Variants in PCSK2 observed in about 807,000 individuals in gnomAD.
PCSK2 encodes the protein neuroendocrine convertase 2.
A neutral mutation model predicts 69.7 loss-of-function variants in PCSK2; 14 were observed. The ratio of observed to expected loss-of-function variants is 0.20; its 90% CI spans 0.13 to 0.31. The LOEUF (loss-of-function observed/expected upper bound fraction) is 0.31, where lower values mean the gene tolerates loss of function less well. PCSK2 is among the 10% of genes least tolerant of loss of function. The probability of loss-of-function intolerance (pLI) is 1.00; values close to 1 mark genes in which losing one functional copy is unlikely to be tolerated. For synonymous variants in PCSK2, 307 were observed against 320.7 expected, an observed-to-expected ratio of 0.96 and a Z score of 0.46; for missense variants, 544 against 842.5, an observed-to-expected ratio of 0.65 and a Z score of 4.39.
intron 8 of PCSK2, among the ~76,000 whole-genome samples, chr20:17,450,759 G>C (rs541999761): frequency 1.3e-5 from 2 of 152,244 alleles, no homozygotes; most frequent in Non-Finnish European, 2.9e-5. Context: ...TATTTCCCTG[G>C]AGCCCTTTTA....
At chr20:17,283,092 A>G (rs1387510590) in intron 2 of PCSK2, among the ~76,000 whole-genome samples, 1 of 152,188 alleles carries the variant, frequency 6.6e-6, no homozygotes, top group Admixed American at 6.6e-5. Context: ...TCCATTTAGC[A>G]ACTGGGCAGG....
rs182486640 is a variant in PCSK2 at position 17,321,993 on chromosome 20, G to T, written c.283-36334G>T. 2.1e-3 allele frequency among the ~76,000 whole-genome samples: 317 copies of T among 152,060 alleles called. 1 individual carries two copies. Among genetic ancestry groups the T allele is most frequent in the African/African-American group, 7.2e-3 (297 of 41,510 alleles). On this transcript the variant is annotated intron_variant, in intron 2 of 11. Coordinates refer to ENST00000262545, the MANE Select transcript of PCSK2 (RefSeq NM_002594.5). ...TCTCTGCTACAGTACCTGGCATTTA[G>T]AGGTGTTTAACCAATGTTAGGGAAG...
chr20:17,406,023 G>A (rs888458590), intron 5 of PCSK2, among the ~76,000 whole-genome samples: 6 of 152,126 alleles, frequency 3.9e-5, no homozygotes, highest in African/African-American at 7.2e-5. Flanking sequence ...CAGGAAAATC[G>A]ATTAAAGGAT....
At chr20:17,228,847 G>C (rs1986034040) in intron 1 of PCSK2, among the ~76,000 whole-genome samples, 1 of 152,206 alleles carries the variant, frequency 6.6e-6, no homozygotes. Flanking sequence ...AAGAGGCTCT[G>C]GGTCCGCCGG....
At chr20:17,339,952 T>C (rs775672623) in intron 2 of PCSK2, among the ~76,000 whole-genome samples, 14 of 152,338 alleles carry the variant, frequency 9.2e-5, no homozygotes, top group South Asian at 4.1e-4. Flanking sequence ...ACTCAACATT[T>C]GCCTTTTATA....
At chr20:17,319,241 C>T (rs766959380) in intron 2 of PCSK2, among the ~76,000 whole-genome samples, 9 of 152,086 alleles carry the variant, frequency 5.9e-5, no homozygotes, top group Non-Finnish European at 1.2e-4. Flanking sequence ...TGTAACAAAC[C>T]ATTAAGACAT....
intron 8 of PCSK2, among the ~76,000 whole-genome samples, chr20:17,441,474 C>G (rs1036241188): frequency 6.6e-6 from 1 of 152,130 alleles, no homozygotes; most frequent in Non-Finnish European, 1.5e-5. Flanking sequence ...ACTGTATGCC[C>G]CTGTATTAAT....
intron 1 of PCSK2, among the ~76,000 whole-genome samples, chr20:17,251,126 AT>A (rs1448675892): frequency 6.6e-6 from 1 of 152,036 alleles, no homozygotes; most frequent in African/African-American, 2.4e-5. Context: ...AAATTATCAG[AT>A]CCATAATGCT....
At position 17,283,068 on chromosome 20, in the gene PCSK2, T is replaced by C. The variant is rs73599741; in HGVS notation, c.282+22724T>C. ...GATGAACCATTTGCCATGAACACCT[T>C]TGGTAGGTCATGCTCCATTTAGCAA... On this transcript the variant is annotated intron_variant, in intron 2 of 11. Coordinates refer to ENST00000262545, the MANE Select transcript of PCSK2 (RefSeq NM_002594.5). Among the ~76,000 whole-genome samples the C allele has an allele frequency of 4.9e-4, 75 of 152,244 alleles. 2 individuals carry two copies. In the East Asian group the frequency reaches 0.014, roughly 27 times the overall value.
intron 5 of PCSK2, among the ~76,000 whole-genome samples, chr20:17,391,856 G>A (rs2031380827): frequency 6.8e-6 from 1 of 147,716 alleles, no homozygotes; most frequent in Admixed American, 7.1e-5. Flanking sequence ...GAGTGACAGA[G>A]TGATACCATG....
chr20:17,465,398 G>A lies in PCSK2; in HGVS notation c.1275G>A (p.Glu425=). 1 of 1,614,194 alleles carries A rather than the reference G, an allele frequency of 6.2e-7. No homozygotes were observed. The change falls in exon 11 of 12, where the codon GAG becomes GAA. Residue 425 remains glutamate, a synonymous_variant. Coordinates refer to ENST00000262545, the MANE Select transcript of PCSK2 (RefSeq NM_002594.5). ...CCAAACGGAACCAGCTTCACGACGA[G>A]GTCCATCAGTGGCGGCGCAATGGGG... is the stretch of plus-strand genomic sequence containing the variant. ...LTSKRNQLHD[E]VHQWRRNGVG...
At chr20:17,235,995 T>G (rs1986324079) in intron 1 of PCSK2, among the ~76,000 whole-genome samples, 1 of 152,144 alleles carries the variant, frequency 6.6e-6, no homozygotes, top group Non-Finnish European at 1.5e-5. Flanking sequence ...ATCATTATTT[T>G]AAAAAATACC....
intron 2 of PCSK2, among the ~76,000 whole-genome samples, chr20:17,319,658 G>A (rs1331002591): frequency 6.6e-6 from 1 of 151,982 alleles, no homozygotes; most frequent in South Asian, 2.1e-4. Flanking sequence ...GTATGGGCAG[G>A]AAATCACAAG....
chr20:17,272,252 T>C (rs190676690), intron 2 of PCSK2, among the ~76,000 whole-genome samples: 1 of 152,258 alleles, frequency 6.6e-6, no homozygotes, highest in Non-Finnish European at 1.5e-5. Context: ...TCTGCTCTGA[T>C]TATTTCAGAG....
At chr20:17,440,589 A>T (rs1237992336) in intron 8 of PCSK2, among the ~76,000 whole-genome samples, 2 of 152,184 alleles carry the variant, frequency 1.3e-5, no homozygotes, top group Non-Finnish European at 2.9e-5. Flanking sequence ...GCCTTGGCAT[A>T]GTGGCTCACG....
chr20:17,270,771 G>A (rs1471004854), intron 2 of PCSK2, among the ~76,000 whole-genome samples: 1 of 152,126 alleles, frequency 6.6e-6, no homozygotes, highest in African/African-American at 2.4e-5. Context: ...AACCTATTGT[G>A]TGGAAAGAGA....
chr20:17,265,181 C>G (rs1987547964), intron 2 of PCSK2, among the ~76,000 whole-genome samples: 1 of 152,170 alleles, frequency 6.6e-6, no homozygotes, highest in Admixed American at 6.5e-5. Context: ...ATCTCCTCCC[C>G]CTCTTTTGTC....
intron 8 of PCSK2, among the ~76,000 whole-genome samples, chr20:17,448,985 C>A (rs565234846): frequency 6.6e-6 from 1 of 151,242 alleles, no homozygotes; most frequent in Admixed American, 6.6e-5. Flanking sequence ...AACTCCTGGG[C>A]TCCTCCCGAG....
In PCSK2 at chr20:17,331,310, G is replaced by A. The variant is rs559645053; in HGVS notation, c.283-27017G>A. 9.3e-4 allele frequency among the ~76,000 whole-genome samples: 141 copies of A among 152,268 alleles called. 1 individual carries two copies. Among genetic ancestry groups the A allele is most frequent in the African/African-American group, 3.3e-3 (137 of 41,550 alleles). On this transcript the variant is annotated intron_variant, in intron 2 of 11. Coordinates refer to ENST00000262545, the MANE Select transcript of PCSK2 (RefSeq NM_002594.5). ...TTAGATTCTCAAATAACCCCGTACAGTTTACACTTTCATGAGTGTCACCTT... is the reference window on the plus strand; with the variant it reads ...TTAGATTCTCAAATAACCCCGTACAATTTACACTTTCATGAGTGTCACCTT...
Sources: gnomAD v4.1 joint callset for allele counts (sites outside exome capture counted in the v4.1 genomes callset) on GRCh38, gnomAD v4.1.1 for gene constraint, MANE v1.5 for transcripts, NCBI Gene and HGNC (gene_info 2026-07-23, HGNC 2026-07-21) for gene names.